ADAMTSL1: variants seen among roughly 807,000 people sequenced by gnomAD.
The protein encoded by ADAMTSL1 is ADAMTS like 1.
Under a neutral mutation model 201.8 loss-of-function variants are expected in ADAMTSL1, and 126 were observed. The observed-to-expected ratio is 0.62, with a 90% confidence interval of 0.54 to 0.72. The LOEUF is 0.72. ADAMTSL1 is among the 30% of genes least tolerant of loss of function. ADAMTSL1 has a pLI of 0.00. For missense variants in ADAMTSL1, 2,679 were observed against 2,277.8 expected (o/e 1.18, Z -3.59); for synonymous variants, 1,121 against 903.4 (o/e 1.24, Z -4.32).
At chr9:17,989,300 G>A (rs527428925) in intron 1 of ADAMTSL1, among the ~76,000 whole-genome samples, 1 of 149,492 alleles carries the variant, frequency 6.7e-6, no homozygotes, top group East Asian at 1.9e-4. Flanking sequence ...TATATGTAAT[G>A]TTTTGTAACT....
intron 2 of ADAMTSL1, among the ~76,000 whole-genome samples, chr9:18,226,132 C>A (rs1830428736): frequency 6.6e-6 from 1 of 152,110 alleles, no homozygotes; most frequent in African/African-American, 2.4e-5. Context: ...TAGCAGCAGA[C>A]AAAGATGCCA....
chr9:18,751,090 C>T (rs1228425533), intron 15 of ADAMTSL1, among the ~76,000 whole-genome samples: 1 of 152,138 alleles, frequency 6.6e-6, no homozygotes, highest in African/African-American at 2.4e-5. Context: ...AGCCCATACT[C>T]AAGACTTCAC....
intron 15 of ADAMTSL1, among the ~76,000 whole-genome samples, chr9:18,745,120 CA>C (rs1203587121): frequency 6.6e-6 from 1 of 152,046 alleles, no homozygotes; most frequent in Non-Finnish European, 1.5e-5. Context: ...TTATGGGGGA[CA>C]ATATGAGCTA....
chr9:18,710,914 C>T (rs1832542680), intron 14 of ADAMTSL1, among the ~76,000 whole-genome samples: 1 of 152,074 alleles, frequency 6.6e-6, no homozygotes, highest in South Asian at 2.1e-4. Flanking sequence ...ATTAAAATTA[C>T]TTCCCACATT....
intron 2 of ADAMTSL1, among the ~76,000 whole-genome samples, chr9:18,183,769 C>G (rs922053925): frequency 6.6e-6 from 1 of 152,146 alleles, no homozygotes; most frequent in East Asian, 1.9e-4. Flanking sequence ...AAGAATAAAC[C>G]AGTCTTTATT....
At chr9:18,095,852 G>A (rs1355780834) in intron 1 of ADAMTSL1, among the ~76,000 whole-genome samples, 1 of 152,156 alleles carries the variant, frequency 6.6e-6, no homozygotes, top group Admixed American at 6.5e-5. Context: ...GGTATTTGAA[G>A]ATCCAAATCT....
Position 18,266,388 on chromosome 9 carries a change from C to A in ADAMTSL1, c.207+102407C>A, listed in dbSNP as rs143363631. On this transcript the variant is annotated intron_variant, in intron 2 of 29. Coordinates refer to the ADAMTSL1 transcript ENST00000680146. ...CTGTGTTGGGTAATCCTGAGTCAGT[C>A]GGCCAAGAGAACTGAATGAGCCTCA... 5.9e-5 allele frequency among the ~76,000 whole-genome samples: 9 copies of A among 152,252 alleles called. No homozygotes were observed. The East Asian group carries it at 7.7e-4, about 13-fold the overall frequency.
At chr9:18,096,044 G>A (rs888906681) in intron 1 of ADAMTSL1, among the ~76,000 whole-genome samples, 1 of 152,038 alleles carries the variant, frequency 6.6e-6, no homozygotes. Flanking sequence ...GGGGATAATC[G>A]CATCAGACTT....
chr9:18,117,195 T>A (rs1238677161), intron 1 of ADAMTSL1, among the ~76,000 whole-genome samples: 1 of 152,176 alleles, frequency 6.6e-6, no homozygotes, highest in Non-Finnish European at 1.5e-5. Flanking sequence ...TGCCATTCTC[T>A]AGCAGTCAAA....
At chr9:18,650,265 A>G (rs1017621199) in intron 7 of ADAMTSL1, among the ~76,000 whole-genome samples, 1 of 152,134 alleles carries the variant, frequency 6.6e-6, no homozygotes, top group Admixed American at 6.5e-5. Flanking sequence ...TTTGGGTGGG[A>G]GTGACCCGAT....
At chr9:18,135,878 A>G (rs1469275164) in intron 1 of ADAMTSL1, among the ~76,000 whole-genome samples, 1 of 152,134 alleles carries the variant, frequency 6.6e-6, no homozygotes, top group African/African-American at 2.4e-5. Context: ...TGCAACAGGT[A>G]CTATACCAAA....
chr9:18,351,068 C>T (rs1835944084), intron 2 of ADAMTSL1, among the ~76,000 whole-genome samples: 4 of 151,964 alleles, frequency 2.6e-5, no homozygotes, highest in Non-Finnish European at 5.9e-5. Context: ...AATGAAATAA[C>T]TAAAATTGTA....
chr9:18,047,553 T>A (rs1821722897), intron 1 of ADAMTSL1, among the ~76,000 whole-genome samples: 1 of 152,146 alleles, frequency 6.6e-6, no homozygotes. Flanking sequence ...TGAAGGGGTC[T>A]TGTGGTGCTA....
intron 1 of ADAMTSL1, among the ~76,000 whole-genome samples, chr9:18,099,378 C>T: frequency 1.2e-5 from 1 of 81,180 alleles, no homozygotes; most frequent in South Asian, 3.3e-4. Flanking sequence ...TTTTTAACAT[C>T]CATTAATTTT....
chr9:18,534,619 A>T (rs1448979780), intron 3 of ADAMTSL1, among the ~76,000 whole-genome samples: 2 of 152,188 alleles, frequency 1.3e-5, no homozygotes, highest in Admixed American at 1.3e-4. Flanking sequence ...TCTCTTCCGC[A>T]TTGCCCAGAA....
At chr9:18,248,778 T>G (rs570490377) in intron 2 of ADAMTSL1, among the ~76,000 whole-genome samples, 1 of 152,320 alleles carries the variant, frequency 6.6e-6, no homozygotes, top group South Asian at 2.1e-4. Flanking sequence ...CGATTCACTC[T>G]CTGACTGTCT....
intron 16 of ADAMTSL1, among the ~76,000 whole-genome samples, chr9:18,755,735 C>A (rs917715231): frequency 1.3e-5 from 2 of 151,928 alleles, no homozygotes; most frequent in Non-Finnish European, 2.9e-5. Context: ...TTTGGGCCTG[C>A]GAAGATATGA....
intron 14 of ADAMTSL1, among the ~76,000 whole-genome samples, chr9:18,714,334 A>C (rs1363947250): frequency 1.3e-5 from 2 of 152,068 alleles, no homozygotes; most frequent in Non-Finnish European, 2.9e-5. Flanking sequence ...AAGGATCAAC[A>C]AAATTGATAG....
At chr9:18,368,279 C>T (rs564575101) in intron 2 of ADAMTSL1, among the ~76,000 whole-genome samples, 9 of 152,138 alleles carry the variant, frequency 5.9e-5, no homozygotes, top group Admixed American at 5.9e-4. Context: ...ATCAGTTAAC[C>T]TTTTATTGCC....
Sources: gnomAD v4.1 joint callset for allele counts (sites outside exome capture counted in the v4.1 genomes callset) on GRCh38, gnomAD v4.1.1 for gene constraint, MANE v1.5 for transcripts, NCBI Gene and HGNC (gene_info 2026-07-23, HGNC 2026-07-21) for gene names.